The following HPCAL1 variants were observed in gnomAD, a reference collection of about 807,000 sequenced individuals.
HPCAL1 encodes hippocalcin like 1, also known as hippocalcin-like protein 1.
A neutral mutation model predicts 17.1 loss-of-function variants in HPCAL1; 8 were observed. The observed-to-expected ratio is 0.47, with a 90% CI of 0.27 to 0.84. HPCAL1 has a LOEUF of 0.84. HPCAL1 is among the 40% of genes least tolerant of loss of function. The probability of loss-of-function intolerance (pLI) is 0.13; values close to 1 mark genes in which losing one functional copy is unlikely to be tolerated. For missense variants in HPCAL1, 165 were observed against 271.1 expected, an observed-to-expected ratio of 0.61 and a Z score of 2.75; for synonymous variants, 112 against 111.4, an observed-to-expected ratio of 1.01 and a Z score of -0.03.
At position 10,419,207 on chromosome 2, in the gene HPCAL1, A is replaced by T. The variant is rs1471098580; in HGVS notation, c.-24-527A>T. 1.3e-5 allele frequency among the ~76,000 whole-genome samples: 2 copies of T among 151,114 alleles called. No homozygotes were observed. The highest frequency in any genetic ancestry group is 2.4e-5 in the African/African-American group (1 of 41,074). On this transcript the variant is annotated intron_variant, in intron 2 of 4. Transcript: ENST00000307845. The surrounding 1 kb of genome is among the most constrained non-coding windows in gnomAD (Gnocchi z 5.0). ...GCCTGGGCGACAAGAGCAAAACTCCATCTCAAAAGAAACAAACAAATAAAC... is the reference window on the plus strand; with the variant it reads ...GCCTGGGCGACAAGAGCAAAACTCCTTCTCAAAAGAAACAAACAAATAAAC...
rs1473794138 is a variant in HPCAL1 at position 10,343,870 on chromosome 2, C to T, written c.-111+40693C>T. Among the ~76,000 whole-genome samples, 1 of 152,144 alleles carries T rather than the reference C, an allele frequency of 6.6e-6. No homozygotes were observed. Among genetic ancestry groups the T allele is most frequent in the Admixed American group, 6.5e-5 (1 of 15,270 alleles). ...GCAGGCCTCAGGGATGAACACATGG[C>T]CCATGGCTGTGCGCTTCCCAAGCAA... On this transcript the variant is annotated intron_variant, in intron 1 of 4. Transcript: ENST00000307845. The surrounding 1 kb of genome is among the most constrained non-coding windows in gnomAD (Gnocchi z 4.8).
intron 1 of HPCAL1, among the ~76,000 whole-genome samples, chr2:10,374,048 G>T (rs534736398): frequency 1.3e-5 from 2 of 152,138 alleles, no homozygotes; most frequent in Non-Finnish European, 2.9e-5. Context: ...CCTGGAGCTC[G>T]GGTGGCCTGG....
At chr2:10,424,493 A>G in intron 4 of HPCAL1, 1 of 470,968 alleles carries the variant, frequency 2.1e-6, no homozygotes. Flanking sequence ...CTTGCACTCC[A>G]CAAATAATGG....
At chr2:10,414,719 C>T (rs368457250) in intron 2 of HPCAL1, among the ~76,000 whole-genome samples, 4 of 152,236 alleles carry the variant, frequency 2.6e-5, no homozygotes, top group East Asian at 1.9e-4. Context: ...TCTCTGGCCA[C>T]GTGCCAGAGA....
intron 1 of HPCAL1, among the ~76,000 whole-genome samples, chr2:10,324,758 G>C: frequency 6.8e-6 from 1 of 146,712 alleles, no homozygotes; most frequent in Non-Finnish European, 1.5e-5. Flanking sequence ...TGTGTTGGGG[G>C]TGGGGTTGTT....
At chr2:10,382,882 C>T (rs1400192819) in intron 1 of HPCAL1, among the ~76,000 whole-genome samples, 2 of 152,190 alleles carry the variant, frequency 1.3e-5, no homozygotes, top group Non-Finnish European at 2.9e-5. Context: ...GGCACTCAGC[C>T]CTTTTCCTGA....
rs1424360114 is a variant in HPCAL1, at chr2:10,323,472, G to T, written c.-111+20295G>T. On this transcript the variant is annotated intron_variant, in intron 1 of 4. Coordinates refer to ENST00000307845, the MANE Select transcript of HPCAL1 (RefSeq NM_002149.4). The surrounding 1 kb of genome is among the most constrained non-coding windows in gnomAD (Gnocchi z 4.6). ...CCCAGGCCTGCACCTGGCCCTGGCAGTGGGCGCACGTTAGGTGGGATTGCT... is the reference window on the plus strand; with the variant it reads ...CCCAGGCCTGCACCTGGCCCTGGCATTGGGCGCACGTTAGGTGGGATTGCT... Among the ~76,000 whole-genome samples the T allele has an allele frequency of 6.6e-6, 1 of 152,230 alleles. No individual in the cohort carries two copies. Among genetic ancestry groups the T allele is most frequent in the African/African-American group, 2.4e-5 (1 of 41,452 alleles).
chr2:10,334,106 G>C (rs1664555557), intron 1 of HPCAL1, among the ~76,000 whole-genome samples: 1 of 152,226 alleles, frequency 6.6e-6, no homozygotes, highest in Non-Finnish European at 1.5e-5. Flanking sequence ...GGGAAGTAGG[G>C]ATCATATTTG....
intron 1 of HPCAL1, among the ~76,000 whole-genome samples, chr2:10,328,991 A>G (rs549168429): frequency 6.6e-6 from 1 of 151,468 alleles, no homozygotes; most frequent in South Asian, 2.1e-4. Context: ...TTAAATTTTT[A>G]ATTTTAATTA....
rs533443379 is a variant in HPCAL1 at position 10,310,674 on chromosome 2, C to G, written c.-111+7497C>G. On this transcript the variant is annotated intron_variant, in intron 1 of 4. Transcript: ENST00000307845. The surrounding 1 kb of genome is among the most constrained non-coding windows in gnomAD (Gnocchi z 4.5). The stretch of plus-strand genomic sequence containing the variant: ...GTTGTTCCTCAGGCATAACGAGGCC[C>G]GGAGCTGGTGGTCCCCTCCCTCTGT... Among the ~76,000 whole-genome samples, 3 of 152,108 alleles carry G rather than the reference C, an allele frequency of 2.0e-5. No homozygotes were observed. The highest frequency in any genetic ancestry group is 6.6e-5 in the Admixed American group (1 of 15,260).
At chr2:10,392,842 G>A (rs10929659) in intron 1 of HPCAL1, among the ~76,000 whole-genome samples, 57,723 of 152,074 alleles carry the variant, frequency 0.38, 11,164 homozygotes, top group South Asian at 0.49. Context: ...TGACATGAAC[G>A]AAGGGCTGGG....
Position 10,359,903 on chromosome 2 carries a change from C to CA in HPCAL1, c.-110-36932_-110-36931insA. On this transcript the variant is annotated intron_variant, in intron 1 of 4. Transcript: ENST00000307845. This position sits in a 1 kb window ranked among gnomAD's most constrained non-coding sequence, Gnocchi z 4.1. ...TCCTGCCTCCTTCCACAGTGCCCGC[C>CA]GGGTCCACAGCGCCCGCCGGGTCCA... 6.8e-6 allele frequency among the ~76,000 whole-genome samples: 1 copy of CA among 147,916 alleles called. No homozygotes were observed. Among genetic ancestry groups the CA allele is most frequent in the East Asian group, 2.0e-4 (1 of 5,122 alleles).
intron 2 of HPCAL1, among the ~76,000 whole-genome samples, chr2:10,415,650 G>A (rs3771122): frequency 0.11 from 16,324 of 151,638 alleles, 2,068 homozygotes; most frequent in East Asian, 0.68. Flanking sequence ...AGCCACATGC[G>A]GTTTGGTCGG....
chr2:10,329,667 C>T (rs952015354), intron 1 of HPCAL1, among the ~76,000 whole-genome samples: 14 of 152,228 alleles, frequency 9.2e-5, no homozygotes, highest in African/African-American at 1.9e-4. Context: ...GCAGTGACAC[C>T]GGGCTTTGTC....
intron 1 of HPCAL1, among the ~76,000 whole-genome samples, chr2:10,382,652 C>T (rs1025094691): frequency 1.3e-4 from 19 of 150,774 alleles, no homozygotes; most frequent in Admixed American, 8.6e-4. Context: ...TGGAGGGCCA[C>T]GCATCCCAAG....
intron 1 of HPCAL1, among the ~76,000 whole-genome samples, chr2:10,381,882 A>G (rs1667960293): frequency 6.6e-6 from 1 of 152,068 alleles, no homozygotes; most frequent in African/African-American, 2.4e-5. Flanking sequence ...AGCTAAACAC[A>G]CTTTTACCCT....
At chr2:10,408,648 G>C (rs1442946909) in intron 2 of HPCAL1, 4 of 152,292 alleles carry the variant, frequency 2.6e-5, no homozygotes, top group Non-Finnish European at 4.4e-5. Context: ...GCTGGGGTCA[G>C]ACCTGGGGTC....
intron 1 of HPCAL1, among the ~76,000 whole-genome samples, chr2:10,350,728 A>G (rs1273421270): frequency 1.3e-5 from 2 of 152,252 alleles, no homozygotes; most frequent in Non-Finnish European, 2.9e-5. Flanking sequence ...AAGAACTCTT[A>G]CAACTCAATA....
intron 1 of HPCAL1, among the ~76,000 whole-genome samples, chr2:10,374,657 T>C (rs544752234): frequency 6.6e-6 from 1 of 152,334 alleles, no homozygotes; most frequent in Admixed American, 6.5e-5. Flanking sequence ...CTATAGCATG[T>C]GGTTCTGAGA....
Sources: allele counts gnomAD v4.1 joint callset (sites outside exome capture counted in the v4.1 genomes callset), GRCh38; gene constraint gnomAD v4.1.1; non-coding constraint Gnocchi (gnomAD v3.1); transcripts MANE v1.5; gene names NCBI Gene and HGNC (gene_info 2026-07-23, HGNC 2026-07-21).